SLC22A17: variants seen among roughly 807,000 people sequenced by gnomAD.
SLC22A17 encodes 24p3 receptor.
Under a neutral mutation model 53.6 loss-of-function variants are expected in SLC22A17, and 38 were observed. The observed-to-expected ratio is 0.71, with a 90% CI of 0.55 to 0.93. The LOEUF is 0.93. SLC22A17 is among the 40% of genes least tolerant of loss of function. The pLI, the probability that SLC22A17 is intolerant of heterozygous loss-of-function variation, is 0.00. For synonymous variants in SLC22A17, 379 were observed against 353.0 expected (o/e 1.07, Z -0.82); for missense variants, 704 against 791.0 (o/e 0.89, Z 1.32).
rs751329341 is a variant in SLC22A17, at chr14:23,348,317, G to C, written c.1026-11C>G. On this transcript the variant is annotated splice_polypyrimidine_tract_variant and intron_variant, in intron 5 of 9. Transcript: ENST00000397267. This position sits in a 1 kb window ranked among gnomAD's most constrained non-coding sequence, Gnocchi z 4.5. Reference sequence around the variant, plus strand: ...AACAAACCAGGCCAGCTGGGGGCAGGGGGGAAGGGGTATACTGTGAGGCCT... The same window carrying C: ...AACAAACCAGGCCAGCTGGGGGCAGCGGGGAAGGGGTATACTGTGAGGCCT... 8.7e-6 allele frequency: 14 copies of C among 1,613,698 alleles called. No individual in the cohort carries two copies. The highest frequency in any genetic ancestry group is 3.3e-4 in the Middle Eastern group (2 of 6,078).
intron 3 of SLC22A17, chr14:23,351,512 G>C (rs980994675): frequency 4.2e-6 from 2 of 473,576 alleles, no homozygotes; most frequent in Non-Finnish European, 7.4e-6. Flanking sequence ...CCACTAATTA[G>C]TGGGAATGGG....
At chr14:23,346,741 C>T (rs1156933128) in exon 10 of SLC22A17, 1 of 1,545,290 alleles carries the variant, frequency 6.5e-7, no homozygotes, top group Non-Finnish European at 8.7e-7. Context: ...GACACAGCTC[C>T]CCGTCCCGGA....
Position 23,348,391 on chromosome 14 carries a change from G to A in SLC22A17, c.1026-85C>T. The A allele has an allele frequency of 1.3e-6, 2 of 1,585,730 alleles. No individual in the cohort carries two copies. Among genetic ancestry groups the A allele is most frequent in the Non-Finnish European group, 1.7e-6 (2 of 1,161,974 alleles). On this transcript the variant is annotated intron_variant, in intron 5 of 9. Transcript: ENST00000397267. The surrounding 1 kb of genome is among the most constrained non-coding windows in gnomAD (Gnocchi z 4.5). ...GAAATGTGCACCTCTGAGGGACTGG[G>A]GCTGGGGTAGGCCTGGACCAGGGGT...
rs910681774 is a variant in SLC22A17, at chr14:23,348,486, A to G, written c.1025+20T>C. 6 of 1,607,980 alleles carry G rather than the reference A, an allele frequency of 3.7e-6. No homozygotes were observed. Among genetic ancestry groups the G allele is most frequent in the Non-Finnish European group, 5.1e-6 (6 of 1,176,048 alleles). ...GCAGAGATGGGAATTGCCAGACGAC[A>G]GGTGAAGGGTAATACTGACCCATAA... On this transcript the variant is annotated intron_variant, in intron 5 of 9. Coordinates refer to ENST00000397267, the Ensembl canonical transcript of SLC22A17. The surrounding 1 kb of genome is among the most constrained non-coding windows in gnomAD (Gnocchi z 4.5).
chr14:23,348,198 C>T lies in SLC22A17; in HGVS notation c.1134G>A (p.Gly378=). 22 of 1,614,134 alleles carry T rather than the reference C, an allele frequency of 1.4e-5. No homozygotes were observed. Among genetic ancestry groups the T allele is most frequent in the Non-Finnish European group, 1.8e-5 (21 of 1,180,004 alleles). The change falls in exon 6 of 10, where the codon GGG becomes GGA. Residue 378 remains glycine, a synonymous_variant. Transcript: ENST00000397267. The surrounding 1 kb of genome is among the most constrained non-coding windows in gnomAD (Gnocchi z 4.5). ...CCTGGGCCTCCTCCCCCAGCATCTG[C>T]CCATGGGGCCGGTTTCGCTCAGCCA...
At position 23,348,117 on chromosome 14, in the gene SLC22A17, T is replaced by C. The variant is rs1443416941; in HGVS notation, c.1171+44A>G. Reference sequence around the variant, plus strand: ...TACAGCCATGCAGAGGGCACCATCATGTGTGCAAGTGAGGCAACACTCACA... The same window carrying C: ...TACAGCCATGCAGAGGGCACCATCACGTGTGCAAGTGAGGCAACACTCACA... On this transcript the variant is annotated intron_variant, in intron 6 of 9. Transcript: ENST00000397267. This position sits in a 1 kb window ranked among gnomAD's most constrained non-coding sequence, Gnocchi z 4.5. The C allele has an allele frequency of 6.2e-7, 1 of 1,611,370 alleles. No homozygotes were observed. The highest frequency in any genetic ancestry group is 1.3e-5 in the African/African-American group (1 of 74,872).
Position 23,348,974 on chromosome 14 carries a change from T to G in SLC22A17, c.859+298A>C. ...CTTATTTGACCTTCACATCAACCCT[T>G]GTCCAAGGTCACACAGCTAGGGACA... On this transcript the variant is annotated intron_variant, in intron 4 of 9. Coordinates refer to ENST00000397267, the Ensembl canonical transcript of SLC22A17. This position sits in a 1 kb window ranked among gnomAD's most constrained non-coding sequence, Gnocchi z 4.5. 1 of 590,776 alleles carries G rather than the reference T, an allele frequency of 1.7e-6. No individual in the cohort carries two copies. Among genetic ancestry groups the G allele is most frequent in the Non-Finnish European group, 3.0e-6 (1 of 332,588 alleles). The allele number at this position is 590,776 out of a possible 1,614,324, so 36.6% of individuals were successfully genotyped here. A position where few individuals can be genotyped will look rare whatever the true frequency, so the allele number is the denominator to read the frequency against.
chr14:23,348,246 C>A lies in SLC22A17; in HGVS notation c.1086G>T (p.Glu362Asp). Residue 362 changes from glutamate (E) to aspartate (D), a missense_variant, in exon 6 of 10, where the codon GAG (glutamate) becomes GAT (aspartate). Glu to Asp is a conservative substitution (Grantham distance 45, BLOSUM62 2). Transcript: ENST00000397267. The surrounding 1 kb of genome is among the most constrained non-coding windows in gnomAD (Gnocchi z 4.5). Reference sequence around the variant, plus strand: ...CCAGGATCCTCAGCACAGACTGAGCCTCCTCAATCTGCCGCTTCACTATCA... The same window carrying A: ...CCAGGATCCTCAGCACAGACTGAGCATCCTCAATCTGCCGCTTCACTATCA... 2 of 1,614,154 alleles carry A rather than the reference C, an allele frequency of 1.2e-6. No homozygotes were observed. The highest frequency in any genetic ancestry group is 1.7e-6 in the Non-Finnish European group (2 of 1,180,006).
chr14:23,351,970 A>C, exon 2 of SLC22A17: 2 of 1,612,922 alleles, frequency 1.2e-6, no homozygotes, highest in Non-Finnish European at 1.7e-6. Flanking sequence ...GTTGGTGGTG[A>C]GCACAGGAAG....
rs1166781796 is a variant in SLC22A17, at chr14:23,351,611, G to C, written c.704+141C>G. ...TGATGGAGAGTGAAGTTGAGACATG[G>C]ATAGACCATTGAATAGAAGTCCAGA... is the stretch of plus-strand genomic sequence containing the variant. On this transcript the variant is annotated intron_variant, in intron 3 of 9. Transcript: ENST00000397267. 13 of 660,704 alleles carry C rather than the reference G, an allele frequency of 2.0e-5. 1 individual carries two copies. The East Asian group carries it at 3.7e-4, about 19-fold the overall frequency. The allele number at this position is 660,704 out of a possible 1,614,324, so 40.9% of individuals were successfully genotyped here. A position where few individuals can be genotyped will look rare whatever the true frequency, so the allele number is the denominator to read the frequency against.
chr14:23,348,070 C>T lies in SLC22A17; in HGVS notation c.1172-74G>A. The T allele has an allele frequency of 6.2e-7, 1 of 1,608,960 alleles. No individual in the cohort carries two copies. The highest frequency in any genetic ancestry group is 1.1e-5 in the South Asian group (1 of 90,918). On this transcript the variant is annotated intron_variant, in intron 6 of 9. Coordinates refer to ENST00000397267, the Ensembl canonical transcript of SLC22A17. The surrounding 1 kb of genome is among the most constrained non-coding windows in gnomAD (Gnocchi z 4.5). ...GATCCTCCCACATGGGTGGTGGGGA[C>T]CCTGGGAGAAGGTGGCACAGCTACA...
In SLC22A17 at chr14:23,347,244, G is replaced by C. The variant is rs1203736378; in HGVS notation, c.1550-32C>G. On this transcript the variant is annotated intron_variant, in intron 8 of 9. Transcript: ENST00000397267. The surrounding 1 kb of genome is among the most constrained non-coding windows in gnomAD (Gnocchi z 5.1). ...AAGCAAGAGGGATGATATGAATGCA[G>C]GTGGGGAGGTCAAGGCTGGCCTAGT... is the stretch of plus-strand genomic sequence containing the variant. 2.5e-6 allele frequency: 4 copies of C among 1,587,716 alleles called. No individual in the cohort carries two copies. Among genetic ancestry groups the C allele is most frequent in the Non-Finnish European group, 3.4e-6 (4 of 1,162,076 alleles).
At chr14:23,346,679 G>A (rs1371032619) in exon 10 of SLC22A17, 5 of 1,518,574 alleles carry the variant, frequency 3.3e-6, no homozygotes, top group Non-Finnish European at 4.4e-6. Flanking sequence ...GGCAAGCAGC[G>A]GGACGTGGTC....
chr14:23,349,171 G>A (rs761843718), intron 4 of SLC22A17, 101 bp downstream of exon 4: 19 of 1,471,416 alleles, frequency 1.3e-5, no homozygotes, highest in South Asian at 3.4e-5. Flanking sequence ...TGAGATTCTA[G>A]GCAGCTGAAA....
chr14:23,348,441 G>A lies in SLC22A17; in HGVS notation c.1025+65C>T, dbSNP rs969204068. 5.1e-5 allele frequency: 81 copies of A among 1,588,426 alleles called. No individual in the cohort carries two copies. Among genetic ancestry groups the A allele is most frequent in the Middle Eastern group, 3.4e-4 (2 of 5,960 alleles). ...TAGTTGGAGAAGAGGAGGGGTCTCC[G>A]GGCTAGGGCTAGTTTGGAGGCAGAG... On this transcript the variant is annotated intron_variant, in intron 5 of 9. Coordinates refer to ENST00000397267, the Ensembl canonical transcript of SLC22A17. This position sits in a 1 kb window ranked among gnomAD's most constrained non-coding sequence, Gnocchi z 4.5.
Position 23,352,160 on chromosome 14 carries a change from C to G in SLC22A17, c.388G>C (p.Ala130Pro), listed in dbSNP as rs1284786001. 1 of 1,543,752 alleles carries G rather than the reference C, an allele frequency of 6.5e-7. No homozygotes were observed. Among genetic ancestry groups the G allele is most frequent in the African/African-American group, 1.4e-5 (1 of 72,246 alleles). ...CAGCCAGAGGCATTAGGGGGGAAGG[C>G]CCCGTAGTGGCAATGCAGCGGGGGC... Residue 130 changes from alanine (A) to proline (P), a missense_variant, in exon 2 of 10, where the codon GCC (alanine) becomes CCC (proline). Around this residue, in one of 4 missense-constraint regions of SLC22A17, gnomAD observed 435 missense variants for 529.0 expected, o/e 0.82. Transcript: ENST00000397267. This position sits in a 1 kb window ranked among gnomAD's most constrained non-coding sequence, Gnocchi z 7.2.
rs540513813 is a variant in SLC22A17 at position 23,350,473 on chromosome 14, G to A, written c.705-1047C>T. Among the ~76,000 whole-genome samples, 10 of 152,242 alleles carry A rather than the reference G, an allele frequency of 6.6e-5. No homozygotes were observed. In the South Asian group the frequency reaches 1.9e-3, roughly 28 times the overall value. Reference sequence around the variant, plus strand: ...ACAGACCAGGGGAGATGAGACTATTGGTAAGTGATTATGGTCACTAACTAT... The same window carrying A: ...ACAGACCAGGGGAGATGAGACTATTAGTAAGTGATTATGGTCACTAACTAT... On this transcript the variant is annotated intron_variant, in intron 3 of 9. Transcript: ENST00000397267.
chr14:23,352,458 G>A lies in SLC22A17; in HGVS notation c.97-7C>T. ...CTCCGAGGGTCCCGACCTGCTGTTGGGGGGCAGGGGGTGGCAGGAGAAGGG... is the reference window on the plus strand; with the variant it reads ...CTCCGAGGGTCCCGACCTGCTGTTGAGGGGCAGGGGGTGGCAGGAGAAGGG... On this transcript the variant is annotated splice_polypyrimidine_tract_variant and splice_region_variant and intron_variant, in intron 1 of 9. Coordinates refer to ENST00000397267, the Ensembl canonical transcript of SLC22A17. The surrounding 1 kb of genome is among the most constrained non-coding windows in gnomAD (Gnocchi z 7.2). The A allele has an allele frequency of 2.2e-6, 1 of 444,890 alleles. No individual in the cohort carries two copies. Among genetic ancestry groups the A allele is most frequent in the Middle Eastern group, 5.7e-4 (1 of 1,766 alleles). The allele number at this position is 444,890 out of a possible 1,614,324, so 27.6% of individuals were successfully genotyped here.
At chr14:23,346,677 G>T in exon 10 of SLC22A17, 1 of 1,516,964 alleles carries the variant, frequency 6.6e-7, no homozygotes. Context: ...GTGGCAAGCA[G>T]CGGGACGTGG....
Sources: gnomAD v4.1 joint callset for allele counts (sites outside exome capture counted in the v4.1 genomes callset) on GRCh38, gnomAD v4.1.1 for gene constraint, gnomAD v4.1.1 regional missense constraint, Gnocchi (gnomAD v3.1) non-coding constraint, MANE v1.5 for transcripts, NCBI Gene and HGNC (gene_info 2026-07-23, HGNC 2026-07-21) for gene names.